SGCD: variants seen among roughly 807,000 people sequenced by gnomAD.
SGCD encodes the protein sarcoglycan delta.
Under a neutral mutation model 36.6 loss-of-function variants are expected in SGCD, and 18 were observed. The observed-to-expected ratio is 0.49, with a 90% confidence interval of 0.34 to 0.73. The LOEUF is 0.73. Among genes scored for constraint, SGCD ranks in the 30% least tolerant of loss-of-function variants. The probability of loss-of-function intolerance (pLI) is 0.01; values close to 1 mark genes in which losing one functional copy is unlikely to be tolerated. For missense variants in SGCD, 387 were observed against 346.7 expected (o/e 1.12, Z -0.92); for synonymous variants, 133 against 130.6 (o/e 1.02, Z -0.12).
chr5:156,621,574 A>G (rs1762251433), intron 6 of SGCD, among the ~76,000 whole-genome samples: 1 of 152,214 alleles, frequency 6.6e-6, no homozygotes, highest in Admixed American at 6.5e-5. Flanking sequence ...GAAACATAAA[A>G]TTAGGAGATT....
chr5:156,628,746 G>A (rs1272097203), intron 6 of SGCD, among the ~76,000 whole-genome samples: 1 of 152,204 alleles, frequency 6.6e-6, no homozygotes, highest in Non-Finnish European at 1.5e-5. Context: ...GGGGCTGCAT[G>A]CAGGCACCAC....
Position 156,589,293 on chromosome 5 carries a change from T to C in SGCD, c.357T>C (p.Thr119=), listed in dbSNP as rs886044132. 2 of 1,572,210 alleles carry C rather than the reference T, an allele frequency of 1.3e-6. No homozygotes were observed. The highest frequency in any genetic ancestry group is 1.7e-6 in the Non-Finnish European group (2 of 1,156,682). ...CAGTGAACATTCTCAATGACCAGACTAAAGTGCTAACTCAGCTTATAACAG... is the reference window on the plus strand; with the variant it reads ...CAGTGAACATTCTCAATGACCAGACCAAAGTGCTAACTCAGCTTATAACAG... ...NVTVNILNDQ[T]KVLTQLITGP... Residue 119 remains threonine, a synonymous_variant, in exon 5 of 9, where the codon ACT becomes ACC. Transcript: ENST00000337851.
At chr5:156,570,595 A>G (rs865902989) in intron 4 of SGCD, among the ~76,000 whole-genome samples, 7 of 152,284 alleles carry the variant, frequency 4.6e-5, no homozygotes, top group Middle Eastern at 3.4e-3. Context: ...TTTTTGCCTT[A>G]AATACTGTTT....
intron 3 of SGCD, among the ~76,000 whole-genome samples, chr5:156,215,243 C>T (rs1764542891): frequency 6.6e-6 from 1 of 152,032 alleles, no homozygotes; most frequent in Non-Finnish European, 1.5e-5. Context: ...TGAAGAAAAT[C>T]TAGGGGAGAA....
chr5:156,449,584 T>G (rs1449581271), intron 3 of SGCD, among the ~76,000 whole-genome samples: 1 of 148,076 alleles, frequency 6.8e-6, no homozygotes, highest in African/African-American at 2.5e-5. Context: ...GTAATCCCAG[T>G]ACTTTGGGTG....
At chr5:156,053,148 G>C (rs1057199121) in intron 1 of SGCD, among the ~76,000 whole-genome samples, 1 of 146,594 alleles carries the variant, frequency 6.8e-6, no homozygotes, top group Non-Finnish European at 1.5e-5. Context: ...ACTGCCAGTT[G>C]GGGCATTTAC....
At chr5:156,029,701 C>A (rs1402954991) in intron 1 of SGCD, among the ~76,000 whole-genome samples, 1 of 152,142 alleles carries the variant, frequency 6.6e-6, no homozygotes, top group African/African-American at 2.4e-5. Context: ...ACAAAAAGAA[C>A]AAGTGATGGA....
intron 1 of SGCD, among the ~76,000 whole-genome samples, chr5:155,967,941 A>C (rs1192176933): frequency 6.6e-6 from 1 of 151,926 alleles, no homozygotes; most frequent in African/African-American, 2.4e-5. Flanking sequence ...CCTTCAATAC[A>C]TTTCAGCTTC....
chr5:155,939,908 A>G (rs530545124), intron 1 of SGCD, among the ~76,000 whole-genome samples: 2 of 150,860 alleles, frequency 1.3e-5, no homozygotes, highest in Admixed American at 6.6e-5. Flanking sequence ...ATCTCAGCTC[A>G]ATGCAACCTC....
intron 7 of SGCD, among the ~76,000 whole-genome samples, chr5:156,716,480 C>G (rs1755228238): frequency 6.6e-6 from 1 of 152,204 alleles, no homozygotes; most frequent in East Asian, 1.9e-4. Context: ...GCTGTCTTAG[C>G]TCTGCCTCTT....
At chr5:156,075,049 GA>G (rs1475394710) in intron 1 of SGCD, among the ~76,000 whole-genome samples, 1 of 152,180 alleles carries the variant, frequency 6.6e-6, no homozygotes, top group Non-Finnish European at 1.5e-5. Flanking sequence ...GATATCTTGA[GA>G]AATTATATTT....
intron 3 of SGCD, among the ~76,000 whole-genome samples, chr5:156,466,488 C>T (rs970841590): frequency 6.6e-6 from 1 of 151,944 alleles, no homozygotes; most frequent in African/African-American, 2.4e-5. Context: ...ATTCATTTAC[C>T]CAACTCTCCC....
intron 4 of SGCD, among the ~76,000 whole-genome samples, chr5:156,562,335 G>T (rs766198838): frequency 6.6e-6 from 1 of 152,138 alleles, no homozygotes; most frequent in Non-Finnish European, 1.5e-5. Context: ...TTGAGCAGTG[G>T]CCATTTAAGC....
chr5:155,868,360 C>CTTTTTT (rs10532701), upstream of SGCD, among the ~76,000 whole-genome samples: 7 of 110,708 alleles, frequency 6.3e-5, no homozygotes, highest in African/African-American at 1.4e-4. Flanking sequence ...CCCTTTTTTT[C>CTTTTTT]TTTTTTTTTT....
At chr5:156,466,813 A>G (rs572047411) in intron 3 of SGCD, among the ~76,000 whole-genome samples, 1 of 152,342 alleles carries the variant, frequency 6.6e-6, no homozygotes, top group East Asian at 1.9e-4. Flanking sequence ...CTTTCTAGTC[A>G]AAGAAAATGT....
At chr5:155,904,339 A>T (rs112327002) in intron 1 of SGCD, among the ~76,000 whole-genome samples, 2 of 152,322 alleles carry the variant, frequency 1.3e-5, no homozygotes, top group South Asian at 2.1e-4. Flanking sequence ...CTTCAACCTC[A>T]TTTGTAAAAA....
At chr5:156,505,017 GCAGT>G (rs1561741318) in intron 3 of SGCD, among the ~76,000 whole-genome samples, 3 of 152,170 alleles carry the variant, frequency 2.0e-5, no homozygotes, top group Non-Finnish European at 1.5e-5. Context: ...ATGAAGCAGC[GCAGT>G]CAGTTTATCG....
chr5:156,349,157 G>A (rs1769104052), intron 3 of SGCD, among the ~76,000 whole-genome samples: 1 of 151,918 alleles, frequency 6.6e-6, no homozygotes, highest in African/African-American at 2.4e-5. Flanking sequence ...ATTCTAGAAA[G>A]AAAAACCTAG....
At chr5:156,637,312 G>C (rs1000490261) in intron 6 of SGCD, among the ~76,000 whole-genome samples, 3 of 152,102 alleles carry the variant, frequency 2.0e-5, no homozygotes, top group Non-Finnish European at 4.4e-5. Flanking sequence ...TAAATTACCC[G>C]ATCTTGGGTA....
Sources: allele counts gnomAD v4.1 joint callset (sites outside exome capture counted in the v4.1 genomes callset), GRCh38; gene constraint gnomAD v4.1.1; transcripts MANE v1.5; gene names NCBI Gene and HGNC (gene_info 2026-07-23, HGNC 2026-07-21).